The following FOXM1 variants were observed in gnomAD, a reference collection of about 807,000 sequenced individuals.
The protein encoded by FOXM1 is forkhead box protein M1.
FOXM1 carries 25 observed loss-of-function variants against 63.6 expected under a neutral mutation model. That is an observed-to-expected ratio of 0.39 (90% CI 0.29 to 0.55). The LOEUF (loss-of-function observed/expected upper bound fraction) is 0.55, where lower values mean the gene tolerates loss of function less well. Among genes scored for constraint, FOXM1 ranks in the 20% least tolerant of loss-of-function variants. The probability of loss-of-function intolerance (pLI) is 0.60; values close to 1 mark genes in which losing one functional copy is unlikely to be tolerated. For missense variants in FOXM1, 879 were observed against 958.7 expected (o/e 0.92, Z 1.10); for synonymous variants, 387 against 376.9 (o/e 1.03, Z -0.31).
chr12:2,859,109 G>T lies in FOXM1; in HGVS notation c.1821C>A (p.Pro607=). ...CAGATTTGCTCGGGGTGGAGGAGAT[G>T]GGCAGCGTTTCCTTAATGGGTGTCT... ...PFKTPIKETL[P]ISSTPSKSVL... The change falls in exon 9 of 9, where the codon CCC becomes CCA. Residue 607 remains proline (P), a synonymous_variant. Coordinates refer to ENST00000359843, the MANE Select transcript of FOXM1 (RefSeq NM_021953.4). 1 of 1,605,978 alleles carries T rather than the reference G, an allele frequency of 6.2e-7. No homozygotes were observed. Among genetic ancestry groups the T allele is most frequent in the Non-Finnish European group, 8.5e-7 (1 of 1,177,058 alleles).
chr12:2,874,644 C>A lies in FOXM1; in HGVS notation c.-47-119G>T. On this transcript the variant is annotated intron_variant, in intron 1 of 8. Coordinates refer to ENST00000359843, the MANE Select transcript of FOXM1 (RefSeq NM_021953.4). The surrounding 1 kb of genome is among the most constrained non-coding windows in gnomAD (Gnocchi z 4.3). ...ACATGAGCCTAAAGGCCCAGGTAAA[C>A]ATTCCATGGACTTTTGTAAAGACCT... The A allele has an allele frequency of 2.9e-6, 2 of 687,742 alleles. No homozygotes were observed. The highest frequency in any genetic ancestry group is 4.9e-6 in the Non-Finnish European group (2 of 406,826). The allele number at this position is 687,742 out of a possible 1,614,324, so 42.6% of individuals were successfully genotyped here. A position where few individuals can be genotyped will look rare whatever the true frequency, so the allele number is the denominator to read the frequency against.
At position 2,859,157 on chromosome 12, in the gene FOXM1, G is replaced by A; in HGVS notation, c.1773C>T (p.Ser591=). The part of the protein sequence containing the change: ...SSDPASQLSY[S]QEVGGPFKTP... ...TCTTAAAAGGTCCTCCCACTTCCTG[G>A]GAGTAGCTGAGCTGGGAGGCAGGGT... Residue 591 remains serine, a synonymous_variant, in exon 9 of 9, where the codon TCC becomes TCT. Transcript: ENST00000359843. 5 of 1,607,102 alleles carry A rather than the reference G, an allele frequency of 3.1e-6. No individual in the cohort carries two copies. Among genetic ancestry groups the A allele is most frequent in the Non-Finnish European group, 4.3e-6 (5 of 1,176,408 alleles).
At chr12:2,866,931 T>G (rs1291228472) in intron 4 of FOXM1, among the ~76,000 whole-genome samples, 1 of 150,344 alleles carries the variant, frequency 6.7e-6, no homozygotes, top group African/African-American at 2.5e-5. Context: ...GGTGAGTGGA[T>G]CACTTGAGGC....
rs11062387 is a variant in FOXM1 at position 2,860,326 on chromosome 12, T to A, written c.1267-663A>T. ...GTGAGATCCCATCTCTACAAAAAAA[T>A]TTTTTTTAATTAGCTGGATGTGGTG... is the stretch of plus-strand genomic sequence containing the variant. On this transcript the variant is annotated intron_variant, in intron 8 of 8. Transcript: ENST00000359843. Among the ~76,000 whole-genome samples, 39 of 151,266 alleles carry A rather than the reference T, an allele frequency of 2.6e-4. No individual in the cohort carries two copies. In the South Asian group the frequency reaches 4.4e-3, roughly 17 times the overall value.
At chr12:2,873,940 T>C (rs1190042659) in intron 2 of FOXM1, 37 bp downstream of exon 2, 1 of 1,580,318 alleles carries the variant, frequency 6.3e-7, no homozygotes. Context: ...GAGGAAAGGC[T>C]GGGCTCCCTC....
chr12:2,875,845 C>T (rs140877186), intron 1 of FOXM1, among the ~76,000 whole-genome samples: 10,003 of 150,828 alleles, frequency 0.066, 482 homozygotes, highest in Middle Eastern at 0.11. Flanking sequence ...ACTGCAACCT[C>T]GGCCTCCCGG....
At position 2,860,802 on chromosome 12, in the gene FOXM1, G is replaced by A. The variant is rs369484558; in HGVS notation, c.1267-1139C>T. 1.7e-4 allele frequency among the ~76,000 whole-genome samples: 25 copies of A among 151,108 alleles called. No individual in the cohort carries two copies. In the East Asian group the frequency reaches 4.3e-3, roughly 26 times the overall value. On this transcript the variant is annotated intron_variant, in intron 8 of 8. Coordinates refer to ENST00000359843, the MANE Select transcript of FOXM1 (RefSeq NM_021953.4). ...CACGAGAATTGCTTGAACCCGGGAG[G>A]CAGAGGTTGCCAAGATCACACCACT...
In FOXM1 at chr12:2,857,739, C is replaced by G. The variant is rs28919873; in HGVS notation, c.*899G>C. 1 of 152,492 alleles carries G rather than the reference C, an allele frequency of 6.6e-6. No homozygotes were observed. Among genetic ancestry groups the G allele is most frequent in the Non-Finnish European group, 1.5e-5 (1 of 68,284 alleles). 9.4% of individuals were successfully genotyped at this position (152,492 alleles called of 1,614,324 possible). A position where few individuals can be genotyped will look rare whatever the true frequency, so the allele number is the denominator to read the frequency against. ...GTTCTCAAGCTGGCTCACACCCATGCGGTCAGCTGGGGCCTAGGGTGGCTC... is the reference window on the plus strand; with the variant it reads ...GTTCTCAAGCTGGCTCACACCCATGGGGTCAGCTGGGGCCTAGGGTGGCTC... On this transcript the variant is annotated 3_prime_UTR_variant, in exon 9 of 9. Coordinates refer to ENST00000359843, the MANE Select transcript of FOXM1 (RefSeq NM_021953.4).
chr12:2,866,438 A>G lies in FOXM1; in HGVS notation c.930T>C (p.Ile310=). The change falls in exon 5 of 9, where the codon ATT becomes ATC. Residue 310 remains isoleucine (I), a synonymous_variant. Coordinates refer to ENST00000359843, the MANE Select transcript of FOXM1 (RefSeq NM_021953.4). The part of the protein sequence containing the change: ...SANGKVSFWT[I]HPSANRYLTL... Reference sequence around the variant, plus strand: ...TCAAGTAGCGGTTGGCACTGGGGTGAATGGTCCAGAAGGAGACCTTGCCAT... The same window carrying G: ...TCAAGTAGCGGTTGGCACTGGGGTGGATGGTCCAGAAGGAGACCTTGCCAT... The G allele has an allele frequency of 6.4e-7, 1 of 1,562,682 alleles. No homozygotes were observed. The highest frequency in any genetic ancestry group is 8.7e-7 in the Non-Finnish European group (1 of 1,155,996).
At position 2,874,115 on chromosome 12, in the gene FOXM1, G is replaced by A. The variant is rs149122661; in HGVS notation, c.364C>T (p.Arg122Trp). 1.4e-5 allele frequency: 22 copies of A among 1,614,054 alleles called. No homozygotes were observed. Among genetic ancestry groups the A allele is most frequent in the South Asian group, 5.5e-5 (5 of 91,088 alleles). ...GGAPTQPPGL[R>W]PQTQTSYDAK... ...TCATAGCTGGTTTGGGTTTGAGGCC[G>A]GAGTCCTGGAGGCTGAGTTGGGGCT... Residue 122 changes from arginine (R) to tryptophan (W), a missense_variant, in exon 2 of 9, where the codon CGG (arginine) becomes TGG (tryptophan). Around this residue, in one of 4 missense-constraint regions of FOXM1, gnomAD observed 255 missense variants for 292.4 expected, o/e 0.87. Coordinates refer to ENST00000359843, the MANE Select transcript of FOXM1 (RefSeq NM_021953.4). The surrounding 1 kb of genome is among the most constrained non-coding windows in gnomAD (Gnocchi z 4.3).
chr12:2,864,967 G>A lies in FOXM1; in HGVS notation c.1021-215C>T, dbSNP rs1183190534. 4.9e-6 allele frequency: 3 copies of A among 613,254 alleles called. No individual in the cohort carries two copies. Among genetic ancestry groups the A allele is most frequent in the Non-Finnish European group, 8.8e-6 (3 of 340,914 alleles). 38.0% of individuals were successfully genotyped at this position (613,254 alleles called of 1,614,324 possible). On this transcript the variant is annotated intron_variant, in intron 6 of 8. Transcript: ENST00000359843. This position sits in a 1 kb window ranked among gnomAD's most constrained non-coding sequence, Gnocchi z 5.1. ...TGGCCTACAGACACATGATGGCAGA[G>A]TGGCACTACCGCTTCACCCACGTGT...
In FOXM1 at chr12:2,864,715, A is replaced by G. The variant is rs1365535865; in HGVS notation, c.1058T>C (p.Met353Thr). 6.2e-7 allele frequency: 1 copy of G among 1,614,160 alleles called. No individual in the cohort carries two copies. Among genetic ancestry groups the G allele is most frequent in the East Asian group, 2.2e-5 (1 of 44,874 alleles). The change falls in exon 7 of 9, where the codon ATG becomes ACG. Residue 353 changes from methionine to threonine, a missense_variant. Physicochemically the swap from Met to Thr is moderately conservative, Grantham distance 81 (BLOSUM62 -1). Transcript: ENST00000359843. The surrounding 1 kb of genome is among the most constrained non-coding windows in gnomAD (Gnocchi z 5.1). ...KRPNPELRRN[M>T]TIKTELPLGA... ...CAGGGGGAGTTCGGTTTTGATGGTC[A>G]TGTTCCGGCGGAGCTCTGGATTCGG... is the stretch of plus-strand genomic sequence containing the variant.
Position 2,859,035 on chromosome 12 carries a change from A to G in FOXM1, c.1895T>C (p.Val632Ala). Reference sequence around the variant, plus strand: ...TACTGGGCTGAAATCCAGTCCCCCTACTTTGGCTGGGGGCGTGAGCCTCCA... The same window carrying G: ...TACTGGGCTGAAATCCAGTCCCCCTGCTTTGGCTGGGGGCGTGAGCCTCCA... Reference protein sequence around the residue: ...ESWRLTPPAKVGGLDFSPVQT... With the variant: ...ESWRLTPPAKAGGLDFSPVQT... Residue 632 changes from valine to alanine, a missense_variant, in exon 9 of 9, where the codon GTA (valine) becomes GCA (alanine). Transcript: ENST00000359843. 1 of 1,610,190 alleles carries G rather than the reference A, an allele frequency of 6.2e-7. No homozygotes were observed. The highest frequency in any genetic ancestry group is 8.5e-7 in the Non-Finnish European group (1 of 1,178,024).
Position 2,868,803 on chromosome 12 carries a change from C to G in FOXM1, c.655-49G>C, listed in dbSNP as rs28990701. 2.4e-3 allele frequency: 3,479 copies of G among 1,474,356 alleles called. 65 individuals are homozygous for G. The African/African-American group carries it at 0.042, about 18-fold the overall frequency. The allele number at this position is 1,474,356 out of a possible 1,614,324, so 91.3% of individuals were successfully genotyped here. ...GACATGAAAGAGTTCATGAGAAGCACCCCCAACCCAAGCCCTTGAAGAACA... is the reference window on the plus strand; with the variant it reads ...GACATGAAAGAGTTCATGAGAAGCAGCCCCAACCCAAGCCCTTGAAGAACA... On this transcript the variant is annotated intron_variant, in intron 3 of 8. Coordinates refer to ENST00000359843, the MANE Select transcript of FOXM1 (RefSeq NM_021953.4).
rs1603502084 is a variant in FOXM1, at chr12:2,874,519, G to A, written c.-41C>T. Reference sequence around the variant, plus strand: ...TCACTCTCCATTGAGAATCACAAGTGTGGACCCTGGAAAATGCAAATAGTG... The same window carrying A: ...TCACTCTCCATTGAGAATCACAAGTATGGACCCTGGAAAATGCAAATAGTG... On this transcript the variant is annotated 5_prime_UTR_variant, in exon 2 of 9. Transcript: ENST00000359843. This position sits in a 1 kb window ranked among gnomAD's most constrained non-coding sequence, Gnocchi z 4.3. 2.6e-6 allele frequency: 4 copies of A among 1,550,174 alleles called. No individual in the cohort carries two copies. In the South Asian group the frequency reaches 4.9e-5, roughly 19 times the overall value.
chr12:2,859,753 G>T, intron 8 of FOXM1, 90 bp from the exon 9 acceptor site: 1 of 946,118 alleles, frequency 1.1e-6, no homozygotes, highest in Non-Finnish European at 1.5e-6. Context: ...TCTTTGTGTC[G>T]TTTTGAAGTC....
intron 3 of FOXM1, among the ~76,000 whole-genome samples, chr12:2,869,000 T>C (rs753766522): frequency 6.6e-6 from 1 of 152,148 alleles, no homozygotes. Context: ...TTGGAGAAAA[T>C]CCAGTCCCTT....
chr12:2,874,845 A>G lies in FOXM1; in HGVS notation c.-47-320T>C, dbSNP rs541674914. ...TAGCTACAAATATGTGGAAATCTCT[A>G]TAATTGCCTACTATAATATAAATAG... On this transcript the variant is annotated intron_variant, in intron 1 of 8. Transcript: ENST00000359843. The surrounding 1 kb of genome is among the most constrained non-coding windows in gnomAD (Gnocchi z 4.3). 6.6e-6 allele frequency among the ~76,000 whole-genome samples: 1 copy of G among 152,324 alleles called. No homozygotes were observed. The highest frequency in any genetic ancestry group is 2.1e-4 in the South Asian group (1 of 4,828).
intron 8 of FOXM1, among the ~76,000 whole-genome samples, chr12:2,862,062 G>A (rs760684935): frequency 5.3e-5 from 8 of 151,744 alleles, no homozygotes; most frequent in African/African-American, 1.5e-4. Flanking sequence ...GCCTGTGATC[G>A]CAGCTACTCA....
Sources: gnomAD v4.1 joint callset for allele counts (sites outside exome capture counted in the v4.1 genomes callset) on GRCh38, gnomAD v4.1.1 for gene constraint, gnomAD v4.1.1 regional missense constraint, Gnocchi (gnomAD v3.1) non-coding constraint, MANE v1.5 for transcripts, NCBI Gene and HGNC (gene_info 2026-07-23, HGNC 2026-07-21) for gene names.